MCU: variants seen among roughly 807,000 people sequenced by gnomAD.
MCU encodes the protein mitochondrial calcium uniporter, also known as calcium uniporter protein, mitochondrial.
A neutral mutation model predicts 45.2 loss-of-function variants in MCU; 12 were observed. The observed-to-expected ratio is 0.27, with a 90% confidence interval of 0.17 to 0.43. The LOEUF (loss-of-function observed/expected upper bound fraction) is 0.43. Ranked by LOEUF, MCU falls within the 20% of genes least tolerant of loss-of-function variation. The pLI, the probability that MCU is intolerant of heterozygous loss-of-function variation, is 1.00. For missense variants in MCU, 324 were observed against 436.7 expected, an observed-to-expected ratio of 0.74 and a Z score of 2.30; for synonymous variants, 160 against 165.1, an observed-to-expected ratio of 0.97 and a Z score of 0.24.
At chr10:72,794,758 T>C (rs1361318695) in intron 1 of MCU, among the ~76,000 whole-genome samples, 4 of 152,204 alleles carry the variant, frequency 2.6e-5, no homozygotes, top group African/African-American at 9.6e-5. Context: ...ACCCTTAGGC[T>C]TCTTAGAAAT....
intron 1 of MCU, among the ~76,000 whole-genome samples, chr10:72,727,905 T>G (rs1843121796): frequency 1.3e-5 from 2 of 151,998 alleles, no homozygotes; most frequent in African/African-American, 4.8e-5. Flanking sequence ...AGCAGAATTT[T>G]TTTTTTTTTT....
chr10:72,805,167 C>G lies in MCU; in HGVS notation c.151-29192C>G, dbSNP rs1589470305. On this transcript the variant is annotated intron_variant, in intron 1 of 7. Transcript: ENST00000373053. ...TCTTTCTTTCTTTCTTTCTGTCTCT[C>G]TCTCTCTCTCTTTCCTTCCTTCCTT... is the stretch of plus-strand genomic sequence containing the variant. 2.0e-4 allele frequency among the ~76,000 whole-genome samples: 28 copies of G among 138,424 alleles called. 1 individual carries two copies. The highest frequency in any genetic ancestry group is 7.5e-4 in the African/African-American group (24 of 31,872). 90.8% of individuals were successfully genotyped at this position (138,424 alleles called of 152,430 possible). A position where few individuals can be genotyped will look rare whatever the true frequency, so the allele number is the denominator to read the frequency against.
chr10:72,758,999 G>A (rs1843616552), intron 1 of MCU, among the ~76,000 whole-genome samples: 1 of 152,120 alleles, frequency 6.6e-6, no homozygotes, highest in African/African-American at 2.4e-5. Context: ...CTCTGTACCT[G>A]TTTAGTTGTA....
chr10:72,874,920 C>G (rs1845596530), intron 6 of MCU, among the ~76,000 whole-genome samples: 2 of 152,066 alleles, frequency 1.3e-5, no homozygotes, highest in Non-Finnish European at 2.9e-5. Flanking sequence ...TGTGAGATAC[C>G]CATACCTTTT....
At chr10:72,865,953 AT>A (rs1209848810) in intron 4 of MCU, among the ~76,000 whole-genome samples, 1 of 151,174 alleles carries the variant, frequency 6.6e-6, no homozygotes. Flanking sequence ...ATTTTTTTGT[AT>A]TTTTAGTAGA....
intron 6 of MCU, among the ~76,000 whole-genome samples, chr10:72,876,747 C>A (rs1019765743): frequency 3.9e-5 from 6 of 152,150 alleles, no homozygotes; most frequent in Admixed American, 6.5e-5. Flanking sequence ...GAAGAGGTGG[C>A]ATTTTCCTAT....
chr10:72,715,296 A>C (rs927619072), intron 1 of MCU: 2 of 425,178 alleles, frequency 4.7e-6, no homozygotes, highest in Non-Finnish European at 6.3e-6. Context: ...GAGCTTCTTA[A>C]GATTAGTTTT....
At chr10:72,760,938 C>G (rs930428552) in intron 1 of MCU, among the ~76,000 whole-genome samples, 9 of 152,024 alleles carry the variant, frequency 5.9e-5, no homozygotes, top group Non-Finnish European at 7.4e-5. Context: ...GAAATTCAAA[C>G]ATAGTCTCTC....
chr10:72,753,931 G>T (rs1031659890), intron 1 of MCU, among the ~76,000 whole-genome samples: 1 of 151,976 alleles, frequency 6.6e-6, no homozygotes, highest in Non-Finnish European at 1.5e-5. Context: ...ACACTATGAA[G>T]TAAGTACTGT....
At chr10:72,783,425 C>G (rs1245589955) in intron 1 of MCU, among the ~76,000 whole-genome samples, 3 of 150,620 alleles carry the variant, frequency 2.0e-5, no homozygotes, top group Non-Finnish European at 4.4e-5. Context: ...CCACATGCCA[C>G]TTATTCAACT....
chr10:72,859,043 G>T lies in MCU; in HGVS notation c.221-134G>T, dbSNP rs2132868658. On this transcript the variant is annotated intron_variant, in intron 2 of 7. Coordinates refer to ENST00000373053, the MANE Select transcript of MCU (RefSeq NM_138357.3). The stretch of plus-strand genomic sequence containing the variant: ...AATAACCTTCAACTAAAGCTAAAGG[G>T]CATGTTCTTAAACCTTCTTTGAAAA... 3 of 771,848 alleles carry T rather than the reference G, an allele frequency of 3.9e-6. No individual in the cohort carries two copies. The South Asian group carries it at 6.6e-5, about 17-fold the overall frequency. The allele number at this position is 771,848 out of a possible 1,614,324, so 47.8% of individuals were successfully genotyped here.
intron 1 of MCU, among the ~76,000 whole-genome samples, chr10:72,788,164 G>A (rs976953116): frequency 2.0e-5 from 3 of 152,198 alleles, no homozygotes; most frequent in Admixed American, 2.0e-4. Flanking sequence ...GGAGGTTCTG[G>A]CTTATTTATT....
chr10:72,853,610 AT>A (rs1486584847), intron 2 of MCU, among the ~76,000 whole-genome samples: 1 of 152,234 alleles, frequency 6.6e-6, no homozygotes, highest in East Asian at 1.9e-4. Context: ...AGTTTTCCAA[AT>A]TTGAGGAAAG....
intron 2 of MCU, among the ~76,000 whole-genome samples, chr10:72,841,444 C>T (rs926908605): frequency 1.3e-4 from 20 of 152,110 alleles, no homozygotes; most frequent in Non-Finnish European, 4.4e-5. Flanking sequence ...GTTACAGGCA[C>T]CCGCCACCAT....
chr10:72,768,998 T>C (rs1481350806), intron 1 of MCU, among the ~76,000 whole-genome samples: 2 of 151,944 alleles, frequency 1.3e-5, no homozygotes, highest in Non-Finnish European at 2.9e-5. Flanking sequence ...ACTACAGGCA[T>C]GCACCACCAT....
chr10:72,765,786 C>CAAAA (rs36071651), intron 1 of MCU, among the ~76,000 whole-genome samples: 296 of 59,586 alleles, frequency 5.0e-3, no homozygotes, highest in East Asian at 7.3e-3. Flanking sequence ...GACGCTGTCT[C>CAAAA]AAAAAAAAAA....
At chr10:72,733,286 A>G (rs1843204031) in intron 1 of MCU, among the ~76,000 whole-genome samples, 1 of 152,128 alleles carries the variant, frequency 6.6e-6, no homozygotes, top group Non-Finnish European at 1.5e-5. Flanking sequence ...GTGAAACCCC[A>G]TCTCTACTAA....
intron 2 of MCU, among the ~76,000 whole-genome samples, chr10:72,835,212 A>G (rs562326782): frequency 3.3e-5 from 5 of 152,296 alleles, no homozygotes; most frequent in East Asian, 3.9e-4. Context: ...GACCAATGCA[A>G]TCCTTCGTAA....
At chr10:72,692,793 G>C (rs1842639905) in intron 1 of MCU, 2 of 1,412,350 alleles carry the variant, frequency 1.4e-6, no homozygotes, top group Admixed American at 5.9e-5. Flanking sequence ...AGCAGCCCAG[G>C]ACCCCGGCGG....
Sources: gnomAD v4.1 joint callset for allele counts (sites outside exome capture counted in the v4.1 genomes callset) on GRCh38, gnomAD v4.1.1 for gene constraint, MANE v1.5 for transcripts, NCBI Gene and HGNC (gene_info 2026-07-23, HGNC 2026-07-21) for gene names.